The following LAMA2 variants were observed in gnomAD, a reference collection of about 807,000 sequenced individuals.
The protein encoded by LAMA2 is laminin subunit alpha-2.
LAMA2 carries 269 observed loss-of-function variants against 364.8 expected under a neutral mutation model. The ratio of observed to expected loss-of-function variants is 0.74; its 90% CI spans 0.67 to 0.82. The LOEUF is 0.82. LAMA2 is among the 40% of genes least tolerant of loss of function. The probability of loss-of-function intolerance (pLI) is 0.00; values close to 1 mark genes in which losing one functional copy is unlikely to be tolerated. For synonymous variants in LAMA2, 1,379 were observed against 1,370.6 expected, an observed-to-expected ratio of 1.01 and a Z score of -0.14; for missense variants, 3,807 against 3,873.2, an observed-to-expected ratio of 0.98 and a Z score of 0.45.
intron 22 of LAMA2, among the ~76,000 whole-genome samples, chr6:129,308,905 A>G (rs1043583912): frequency 1.3e-5 from 2 of 152,012 alleles, no homozygotes; most frequent in Non-Finnish European, 2.9e-5. Context: ...GCCGGTAGGA[A>G]CTCATGGTCA....
At chr6:129,293,054 G>A in intron 20 of LAMA2, 1 of 985,916 alleles carries the variant, frequency 1.0e-6, no homozygotes, top group Non-Finnish European at 1.2e-6. Flanking sequence ...GAGCCTATCG[G>A]GCCCCAGCTC....
At chr6:129,042,165 C>T (rs541186192) in intron 1 of LAMA2, among the ~76,000 whole-genome samples, 10 of 151,750 alleles carry the variant, frequency 6.6e-5, no homozygotes, top group African/African-American at 1.9e-4. Flanking sequence ...ATTAGCTGGG[C>T]GTGGTGGCAG....
At chr6:129,375,030 A>G (rs2114637935) in intron 34 of LAMA2, among the ~76,000 whole-genome samples, 1 of 152,128 alleles carries the variant, frequency 6.6e-6, no homozygotes, top group South Asian at 2.1e-4. Flanking sequence ...AAGGGCTTTT[A>G]TATTTTATAC....
At chr6:129,486,327 G>T (rs1784580630) in intron 55 of LAMA2, 147 bp from the exon 56 acceptor site, 1 of 771,230 alleles carries the variant, frequency 1.3e-6, no homozygotes, top group Non-Finnish European at 2.2e-6. Flanking sequence ...ATTTCCAGCT[G>T]TTTTCAAAAC....
At chr6:128,989,703 G>C (rs1181923900) in intron 1 of LAMA2, among the ~76,000 whole-genome samples, 1 of 152,188 alleles carries the variant, frequency 6.6e-6, no homozygotes, top group African/African-American at 2.4e-5. Flanking sequence ...TTGCTGAATA[G>C]AACTAAGAAT....
At chr6:129,168,704 AG>A (rs1214688300) in intron 9 of LAMA2, among the ~76,000 whole-genome samples, 1 of 143,654 alleles carries the variant, frequency 7.0e-6, no homozygotes, top group Non-Finnish European at 1.5e-5. Flanking sequence ...CTGTGAAGAA[AG>A]GCATTGGTAG....
At chr6:129,385,328 G>C (rs1778953406) in intron 35 of LAMA2, among the ~76,000 whole-genome samples, 1 of 149,002 alleles carries the variant, frequency 6.7e-6, no homozygotes, top group African/African-American at 2.5e-5. Flanking sequence ...AGGAAGGAAG[G>C]AAGGAAGGGG....
intron 17 of LAMA2, among the ~76,000 whole-genome samples, chr6:129,279,778 A>G (rs1788586573): frequency 6.6e-6 from 1 of 152,180 alleles, no homozygotes; most frequent in Non-Finnish European, 1.5e-5. Flanking sequence ...GCAGCTATAC[A>G]TTTCCACTTG....
intron 1 of LAMA2, among the ~76,000 whole-genome samples, chr6:128,970,670 A>G (rs1318885228): frequency 6.6e-6 from 1 of 152,236 alleles, no homozygotes; most frequent in Non-Finnish European, 1.5e-5. Context: ...GGAAAATCAT[A>G]TTCTAACTTA....
At chr6:129,252,837 T>C (rs544961594) in intron 14 of LAMA2, among the ~76,000 whole-genome samples, 1 of 152,330 alleles carries the variant, frequency 6.6e-6, no homozygotes, top group East Asian at 1.9e-4. Context: ...GGAGCCAAAC[T>C]GAATAGAAAT....
At chr6:128,911,483 A>G (rs1037529295) in intron 1 of LAMA2, among the ~76,000 whole-genome samples, 44 of 152,058 alleles carry the variant, frequency 2.9e-4, no homozygotes, top group East Asian at 2.3e-3. Context: ...GCAATGCCTC[A>G]CCCTGCTTCG....
intron 1 of LAMA2, among the ~76,000 whole-genome samples, chr6:129,032,133 T>C (rs1786275896): frequency 6.6e-6 from 1 of 152,220 alleles, no homozygotes. Flanking sequence ...TATGAATTTC[T>C]TATTGGAGAA....
chr6:129,230,106 G>A (rs1784588369), intron 12 of LAMA2, among the ~76,000 whole-genome samples: 1 of 152,098 alleles, frequency 6.6e-6, no homozygotes, highest in African/African-American at 2.4e-5. Context: ...TCTAAGGATT[G>A]GGCCCTATAG....
intron 17 of LAMA2, among the ~76,000 whole-genome samples, chr6:129,273,385 A>G (rs1448904095): frequency 6.6e-6 from 1 of 152,186 alleles, no homozygotes; most frequent in Non-Finnish European, 1.5e-5. Flanking sequence ...CTCAGCCAAG[A>G]TGTCATGAGC....
At chr6:129,282,980 G>A (rs1788830460) in intron 18 of LAMA2, among the ~76,000 whole-genome samples, 3 of 152,084 alleles carry the variant, frequency 2.0e-5, no homozygotes, top group Non-Finnish European at 4.4e-5. Context: ...GAGAAACAGT[G>A]AACAGGGGAA....
chr6:129,405,028 T>A (rs78490334), intron 40 of LAMA2, among the ~76,000 whole-genome samples: 4,688 of 152,210 alleles, frequency 0.031, 106 homozygotes, highest in Non-Finnish European at 0.039. Flanking sequence ...AGTGGCATGA[T>A]CATTGCAGAA....
At position 129,192,826 on chromosome 6, in the gene LAMA2, C is replaced by A. The variant is rs1012171328; in HGVS notation, c.1755C>A (p.Ser585Arg). The A allele has an allele frequency of 5.6e-6, 9 of 1,614,068 alleles. No homozygotes were observed. The highest frequency in any genetic ancestry group is 7.6e-6 in the Non-Finnish European group (9 of 1,179,970). The part of the protein sequence containing the change: ...RQALPHSYYW[S>R]APAPYLGNKL... ...CCCTGCCGCACAGCTACTACTGGAG[C>A]GCGCCGGCTCCCTATCTGGGAAACA... is the stretch of plus-strand genomic sequence containing the variant. Residue 585 changes from serine to arginine, a missense_variant, in exon 12 of 65, where the codon AGC becomes AGA. Coordinates refer to ENST00000421865, the MANE Select transcript of LAMA2 (RefSeq NM_000426.4).
chr6:129,193,857 G>A (rs1781682130), intron 12 of LAMA2, among the ~76,000 whole-genome samples: 1 of 152,106 alleles, frequency 6.6e-6, no homozygotes, highest in Non-Finnish European at 1.5e-5. Context: ...TATCTCATAT[G>A]CTACTCAGTG....
chr6:129,378,812 C>T (rs181355965), intron 34 of LAMA2, among the ~76,000 whole-genome samples: 24 of 152,248 alleles, frequency 1.6e-4, no homozygotes, highest in African/African-American at 5.8e-4. Context: ...TCCTTTTCAC[C>T]TGTGTAAAAA....
Sources: gnomAD v4.1 joint callset for allele counts (sites outside exome capture counted in the v4.1 genomes callset) on GRCh38, gnomAD v4.1.1 for gene constraint, MANE v1.5 for transcripts, NCBI Gene and HGNC (gene_info 2026-07-23, HGNC 2026-07-21) for gene names.